EZH2: variants seen among roughly 807,000 people sequenced by gnomAD.
EZH2 encodes the protein histone-lysine N-methyltransferase EZH2.
In EZH2, 18 loss-of-function variants were observed where a neutral mutation model predicts 98.4. The ratio of observed to expected loss-of-function variants is 0.18; its 90% CI spans 0.13 to 0.27. The LOEUF (loss-of-function observed/expected upper bound fraction) is 0.27, where lower values mean the gene tolerates loss of function less well. Ranked by LOEUF, EZH2 falls within the 10% of genes least tolerant of loss-of-function variation. The probability of loss-of-function intolerance (pLI) is 1.00; values close to 1 mark genes in which losing one functional copy is unlikely to be tolerated. For missense variants in EZH2, 470 were observed against 935.1 expected (o/e 0.50, Z 6.49); for synonymous variants, 338 against 312.3 (o/e 1.08, Z -0.87).
intron 3 of EZH2, among the ~76,000 whole-genome samples, chr7:148,842,727 T>C (rs1812776334): frequency 6.6e-6 from 1 of 151,846 alleles, no homozygotes; most frequent in South Asian, 2.1e-4. Context: ...TTAGGTTCTA[T>C]AATCTCAAAA....
At chr7:148,871,866 G>A (rs1186377810) in intron 1 of EZH2, among the ~76,000 whole-genome samples, 6 of 151,880 alleles carry the variant, frequency 4.0e-5, no homozygotes, top group Non-Finnish European at 7.4e-5. Flanking sequence ...CAGCCACCAC[G>A]CCCAGCCGAA....
intron 3 of EZH2, among the ~76,000 whole-genome samples, chr7:148,838,047 C>T (rs950185435): frequency 2.1e-5 from 3 of 141,556 alleles, no homozygotes; most frequent in African/African-American, 7.8e-5. Flanking sequence ...AATACAGTAT[C>T]GGGAAGTTTA....
Position 148,866,649 on chromosome 7 carries a change from C to T in EZH2, c.-8+17515G>A, listed in dbSNP as rs145461797. Among the ~76,000 whole-genome samples, 492 of 142,080 alleles carry T rather than the reference C, an allele frequency of 3.5e-3. 4 individuals are homozygous for T. Among genetic ancestry groups the T allele is most frequent in the African/African-American group, 0.012 (465 of 37,948 alleles). 93.2% of individuals were successfully genotyped at this position (142,080 alleles called of 152,430 possible). ...ATATGTATATATACATATACATATA[C>T]GTATATACGTATATGCATATATATG... On this transcript the variant is annotated intron_variant, in intron 1 of 19. Coordinates refer to ENST00000320356, the MANE Select transcript of EZH2 (RefSeq NM_004456.5).
chr7:148,849,974 G>A (rs374338056), intron 1 of EZH2, among the ~76,000 whole-genome samples: 2 of 152,142 alleles, frequency 1.3e-5, no homozygotes, highest in African/African-American at 4.8e-5. Context: ...AAGGCCTAGG[G>A]TAGTAACGTG....
intron 1 of EZH2, among the ~76,000 whole-genome samples, chr7:148,859,134 T>C (rs889281812): frequency 3.9e-5 from 6 of 152,182 alleles, no homozygotes; most frequent in African/African-American, 1.2e-4. Context: ...GAGACTACAA[T>C]AGAAACTGAA....
chr7:148,866,556 A>ATATATATGTGTATATACATATATATACG (rs1563063346), intron 1 of EZH2, among the ~76,000 whole-genome samples: 12 of 125,662 alleles, frequency 9.5e-5, no homozygotes, highest in African/African-American at 3.5e-4. Context: ...ATATATATAC[A>ATATATATGTGTATATACATATATATACG]TATATACATA....
intron 3 of EZH2, among the ~76,000 whole-genome samples, chr7:148,840,514 T>G (rs1812150678): frequency 6.6e-6 from 1 of 152,216 alleles, no homozygotes; most frequent in Non-Finnish European, 1.5e-5. Flanking sequence ...GGACTTTTGC[T>G]TTCTGTTTTA....
chr7:148,865,391 G>A (rs1378467342), intron 1 of EZH2, among the ~76,000 whole-genome samples: 2 of 152,132 alleles, frequency 1.3e-5, no homozygotes, highest in Non-Finnish European at 2.9e-5. Flanking sequence ...CTCAATTTTG[G>A]TAGTAAATAC....
chr7:148,849,393 A>G (rs954696697), intron 1 of EZH2, among the ~76,000 whole-genome samples: 3 of 152,232 alleles, frequency 2.0e-5, no homozygotes, highest in Admixed American at 6.5e-5. Flanking sequence ...CAGACATTTA[A>G]TAAGAATGGA....
intron 1 of EZH2, among the ~76,000 whole-genome samples, chr7:148,851,467 C>T (rs931362585): frequency 3.9e-5 from 6 of 152,122 alleles, no homozygotes; most frequent in African/African-American, 1.4e-4. Context: ...GATGTTAGCT[C>T]CCCTGACCTC....
intron 4 of EZH2, among the ~76,000 whole-genome samples, chr7:148,832,049 T>C (rs1809536759): frequency 6.6e-6 from 1 of 152,190 alleles, no homozygotes; most frequent in South Asian, 2.1e-4. Context: ...CAGACTTAGA[T>C]TACAGGACAC....
chr7:148,838,063 CTTTTTTTTT>C lies in EZH2; in HGVS notation c.247-5322_247-5314del, dbSNP rs35838307. On this transcript the variant is annotated intron_variant, in intron 3 of 19. Transcript: ENST00000320356. ...ATACAGTATCGGGAAGTTTAGACTCCTTTTTTTTTTTTTTTTTTTTTTGAGACAGGGTCT... is the reference window on the plus strand; with the variant it reads ...ATACAGTATCGGGAAGTTTAGACTCCTTTTTTTTTTTTTGAGACAGGGTCT... Among the ~76,000 whole-genome samples, 4 of 100,512 alleles carry C rather than the reference CTTTTTTTTT, an allele frequency of 4.0e-5. No homozygotes were observed. The South Asian group carries it at 1.1e-3, about 27-fold the overall frequency. 65.9% of individuals were successfully genotyped at this position (100,512 alleles called of 152,430 possible). A position where few individuals can be genotyped will look rare whatever the true frequency, so the allele number is the denominator to read the frequency against.
chr7:148,850,161 G>A (rs1342488754), intron 1 of EZH2, among the ~76,000 whole-genome samples: 3 of 152,016 alleles, frequency 2.0e-5, no homozygotes, highest in Admixed American at 6.6e-5. Flanking sequence ...TGGGACTACC[G>A]GTGCCCGCCA....
At chr7:148,832,543 G>A (rs779211143) in intron 4 of EZH2, 91 bp downstream of exon 4, 1 of 739,598 alleles carries the variant, frequency 1.4e-6, no homozygotes, top group Non-Finnish European at 2.2e-6. Flanking sequence ...AATTTATACT[G>A]TCTTGATTCA....
chr7:148,814,619 A>C (rs890812814), intron 14 of EZH2, among the ~76,000 whole-genome samples: 1 of 152,184 alleles, frequency 6.6e-6, no homozygotes, highest in South Asian at 2.1e-4. Context: ...TTCCTCTTAC[A>C]ATCTGTGCCA....
intron 1 of EZH2, among the ~76,000 whole-genome samples, chr7:148,882,191 T>C (rs921527775): frequency 8.5e-5 from 13 of 152,302 alleles, no homozygotes; most frequent in African/African-American, 3.1e-4. Flanking sequence ...GTCAACACTC[T>C]CCAAAATATA....
At chr7:148,849,720 TA>T (rs1815177650) in intron 1 of EZH2, among the ~76,000 whole-genome samples, 1 of 152,216 alleles carries the variant, frequency 6.6e-6, no homozygotes, top group African/African-American at 2.4e-5. Context: ...GGAGCATTAT[TA>T]TTTTTTAAAT....
chr7:148,883,174 TTCTTTAGAAAGTGGCAAC>T (rs1219649736), intron 1 of EZH2: 1 of 152,248 alleles, frequency 6.6e-6, no homozygotes, highest in Non-Finnish European at 1.5e-5. Flanking sequence ...AGGATTACGA[TTCTTTAGAAAGTGGCAAC>T]TCACTAGGCG....
intron 1 of EZH2, among the ~76,000 whole-genome samples, chr7:148,878,960 C>T (rs1820558316): frequency 6.6e-6 from 1 of 151,980 alleles, no homozygotes; most frequent in South Asian, 2.1e-4. Context: ...CGCAGTAGCT[C>T]ACGCCTGTAA....
Sources: gnomAD v4.1 joint callset for allele counts (sites outside exome capture counted in the v4.1 genomes callset) on GRCh38, gnomAD v4.1.1 for gene constraint, MANE v1.5 for transcripts, NCBI Gene and HGNC (gene_info 2026-07-23, HGNC 2026-07-21) for gene names.